The following GABRB1 variants were observed in gnomAD, a reference collection of about 807,000 sequenced individuals.
The protein encoded by GABRB1 is gamma-aminobutyric acid type A receptor subunit beta1.
Under a neutral mutation model 51.6 loss-of-function variants are expected in GABRB1, and 17 were observed. The observed-to-expected ratio is 0.33, with a 90% CI of 0.23 to 0.49. The LOEUF is 0.49. GABRB1 is among the 20% of genes least tolerant of loss of function. GABRB1 has a pLI of 0.99. For synonymous variants in GABRB1, 247 were observed against 218.9 expected, an observed-to-expected ratio of 1.13 and a Z score of -1.14; for missense variants, 410 against 600.6, an observed-to-expected ratio of 0.68 and a Z score of 3.32.
intron 5 of GABRB1, among the ~76,000 whole-genome samples, chr4:47,372,819 G>T (rs1371343098): frequency 6.6e-6 from 1 of 152,138 alleles, no homozygotes; most frequent in East Asian, 1.9e-4. Flanking sequence ...GTTCTGGGGA[G>T]GTGTGGGGCT....
chr4:47,300,415 C>T (rs1160442973), intron 4 of GABRB1, among the ~76,000 whole-genome samples: 4 of 151,980 alleles, frequency 2.6e-5, no homozygotes, highest in African/African-American at 4.8e-5. Flanking sequence ...TTACTATTGA[C>T]ATAAAGTTTG....
chr4:47,326,705 T>C (rs1242220199), intron 5 of GABRB1, among the ~76,000 whole-genome samples: 1 of 152,192 alleles, frequency 6.6e-6, no homozygotes, highest in Non-Finnish European at 1.5e-5. Flanking sequence ...AGTTACCTTT[T>C]ATGAACCAGA....
At chr4:47,118,715 TATATACATACATTCA>T (rs1715614789) in intron 3 of GABRB1, among the ~76,000 whole-genome samples, 1 of 152,280 alleles carries the variant, frequency 6.6e-6, no homozygotes, top group South Asian at 2.1e-4. Context: ...AACATCCTAA[TATATACATACATTCA>T]AGCATGCATA....
At chr4:47,214,736 T>C (rs1362742912) in intron 4 of GABRB1, among the ~76,000 whole-genome samples, 1 of 152,136 alleles carries the variant, frequency 6.6e-6, no homozygotes, top group African/African-American at 2.4e-5. Context: ...ACATCAACCA[T>C]AGTATCCTCC....
intron 8 of GABRB1, among the ~76,000 whole-genome samples, chr4:47,423,623 G>T (rs1286005171): frequency 6.6e-6 from 1 of 152,184 alleles, no homozygotes; most frequent in African/African-American, 2.4e-5. Context: ...GGCAGGCAAA[G>T]TACAAAGGTA....
At position 47,111,593 on chromosome 4, in the gene GABRB1, G is replaced by T. The variant is rs182398512; in HGVS notation, c.241-49656G>T. Among the ~76,000 whole-genome samples the T allele has an allele frequency of 7.2e-5, 11 of 152,184 alleles. No homozygotes were observed. In the East Asian group the frequency reaches 1.9e-3, roughly 27 times the overall value. On this transcript the variant is annotated intron_variant, in intron 3 of 8. Coordinates refer to ENST00000295454, the MANE Select transcript of GABRB1 (RefSeq NM_000812.4). ...AGAAATCCATTGCAGGCCAAGCATG[G>T]TGGCTCACACCTCTAATCCCAGAAC...
intron 4 of GABRB1, among the ~76,000 whole-genome samples, chr4:47,217,891 C>A (rs751278582): frequency 6.6e-6 from 1 of 151,712 alleles, no homozygotes; most frequent in Non-Finnish European, 1.5e-5. Flanking sequence ...TTATTCTTAA[C>A]TGTAGTCACT....
chr4:47,177,534 T>C (rs1203768465), intron 4 of GABRB1, among the ~76,000 whole-genome samples: 2 of 152,128 alleles, frequency 1.3e-5, no homozygotes, highest in Non-Finnish European at 2.9e-5. Context: ...GTGACCCTAA[T>C]GTGAAAAATG....
chr4:47,381,430 T>C (rs374060370), intron 5 of GABRB1, among the ~76,000 whole-genome samples: 10 of 152,360 alleles, frequency 6.6e-5, no homozygotes, highest in African/African-American at 2.4e-4. Flanking sequence ...TCCAATGGGA[T>C]GACTCTGAGA....
chr4:47,045,433 A>G (rs1726037941), intron 3 of GABRB1, among the ~76,000 whole-genome samples: 1 of 134,716 alleles, frequency 7.4e-6, no homozygotes, highest in Non-Finnish European at 1.6e-5. Flanking sequence ...AAAGCATAGT[A>G]TTCTCCTTTA....
intron 5 of GABRB1, among the ~76,000 whole-genome samples, chr4:47,342,854 G>A (rs1578108014): frequency 6.6e-6 from 1 of 152,026 alleles, no homozygotes; most frequent in African/African-American, 2.4e-5. Context: ...ACCATTCAGG[G>A]TATGTAGAGA....
chr4:47,375,944 A>T (rs1194660535), intron 5 of GABRB1, among the ~76,000 whole-genome samples: 1 of 152,204 alleles, frequency 6.6e-6, no homozygotes, highest in Admixed American at 6.5e-5. Context: ...GGAGGAGAAG[A>T]TGATGACTTC....
intron 5 of GABRB1, among the ~76,000 whole-genome samples, chr4:47,332,922 A>G (rs1445840174): frequency 6.6e-6 from 1 of 151,808 alleles, no homozygotes; most frequent in Non-Finnish European, 1.5e-5. Flanking sequence ...TTCCTCTGGC[A>G]GAAGGCTCCA....
intron 3 of GABRB1, among the ~76,000 whole-genome samples, chr4:47,085,815 C>T (rs1003814687): frequency 1.3e-5 from 2 of 152,104 alleles, no homozygotes; most frequent in Admixed American, 1.3e-4. Context: ...CAATTTGTGC[C>T]GGCTGTGCCC....
At chr4:47,132,392 TTTTGGTTTGGTTTGGTTTGGTTTGG>T (rs35774226) in intron 3 of GABRB1, among the ~76,000 whole-genome samples, 47 of 119,192 alleles carry the variant, frequency 3.9e-4, no homozygotes, top group African/African-American at 1.3e-3. Context: ...TTTTGGTTTG[TTTTGGTTTGGTTTGGTTTGGTTTGG>T]TTTGGTTTGG....
intron 5 of GABRB1, among the ~76,000 whole-genome samples, chr4:47,335,673 C>G (rs976540235): frequency 6.6e-6 from 1 of 152,148 alleles, no homozygotes; most frequent in East Asian, 1.9e-4. Context: ...TTTTACTTTG[C>G]AGAGAATTTC....
chr4:47,143,897 G>T (rs17539069), intron 3 of GABRB1, among the ~76,000 whole-genome samples: 59,239 of 151,636 alleles, frequency 0.39, 11,889 homozygotes, highest in African/African-American at 0.46. Flanking sequence ...ACTGAGAATA[G>T]AGAAGTTTTC....
intron 1 of GABRB1, among the ~76,000 whole-genome samples, chr4:46,999,969 C>T (rs866752776): frequency 4.6e-5 from 7 of 152,240 alleles, no homozygotes; most frequent in South Asian, 2.1e-4. Context: ...CAGAATCCAC[C>T]CCCTAAACTT....
At chr4:47,254,789 T>C (rs1722138660) in intron 4 of GABRB1, among the ~76,000 whole-genome samples, 1 of 152,190 alleles carries the variant, frequency 6.6e-6, no homozygotes, top group South Asian at 2.1e-4. Flanking sequence ...AGAGACATTA[T>C]TATATAGTTA....
Sources: gnomAD v4.1 joint callset for allele counts (sites outside exome capture counted in the v4.1 genomes callset) on GRCh38, gnomAD v4.1.1 for gene constraint, MANE v1.5 for transcripts, NCBI Gene and HGNC (gene_info 2026-07-23, HGNC 2026-07-21) for gene names.